The following MYOM1 variants were observed in gnomAD, a reference collection of about 807,000 sequenced individuals.
The protein encoded by MYOM1 is myomesin-1.
A neutral mutation model predicts 205.3 loss-of-function variants in MYOM1; 164 were observed. The observed-to-expected ratio is 0.80, with a 90% CI of 0.70 to 0.91. The LOEUF is 0.91. MYOM1 is among the 40% of genes least tolerant of loss of function. The pLI is 0.00. For synonymous variants in MYOM1, 772 were observed against 789.4 expected (o/e 0.98, Z 0.37); for missense variants, 2,011 against 2,127.3 (o/e 0.95, Z 1.08).
chr18:3,127,042 T>C, intron 18 of MYOM1, 145 bp from the exon 19 acceptor site: 2 of 667,312 alleles, frequency 3.0e-6, no homozygotes, highest in Non-Finnish European at 2.5e-6. Context: ...GCATTGAACT[T>C]GGTGAATGCA....
chr18:3,165,106 G>C (rs1250929762), intron 9 of MYOM1, among the ~76,000 whole-genome samples: 1 of 152,128 alleles, frequency 6.6e-6, no homozygotes, highest in Non-Finnish European at 1.5e-5. Context: ...TTAACTTTCT[G>C]AGAAACTATT....
At chr18:3,225,276 C>T in the MYOM1 span, among the ~76,000 whole-genome samples, 2 of 152,222 alleles carry the variant, frequency 1.3e-5, no homozygotes, top group Non-Finnish European at 2.9e-5. Context: ...CGTGAGCCAC[C>T]GTGCCAGGCC....
chr18:3,176,712 C>G (rs1392917963), intron 5 of MYOM1, among the ~76,000 whole-genome samples: 1 of 151,614 alleles, frequency 6.6e-6, no homozygotes, highest in Non-Finnish European at 1.5e-5. Flanking sequence ...GAAATACCAT[C>G]TCTACTAGTA....
At chr18:3,068,436 T>C (rs1177661078) in intron 37 of MYOM1, among the ~76,000 whole-genome samples, 1 of 152,062 alleles carries the variant, frequency 6.6e-6, no homozygotes, top group African/African-American at 2.4e-5. Flanking sequence ...TGGTGCTTAT[T>C]TGTGTTTGTG....
chr18:3,242,634 G>T, the MYOM1 span, among the ~76,000 whole-genome samples: 1 of 151,990 alleles, frequency 6.6e-6, no homozygotes, highest in South Asian at 2.1e-4. Context: ...TCAGCCTCCC[G>T]AGTAGCTGGA....
chr18:3,094,378 T>TAA lies in MYOM1; in HGVS notation c.3728-73_3728-72insTT. ...ATATTGGTACTCATTTTCCATCAAG[T>TAA]GAAAAAAAAAAAAAAACCACACAAT... On this transcript the variant is annotated intron_variant, in intron 25 of 37. Coordinates refer to ENST00000356443, the MANE Select transcript of MYOM1 (RefSeq NM_003803.4). 6 of 1,001,544 alleles carry TAA rather than the reference T, an allele frequency of 6.0e-6. No individual in the cohort carries two copies. The South Asian group carries it at 9.5e-5, about 16-fold the overall frequency. The allele number at this position is 1,001,544 out of a possible 1,614,324, so 62.0% of individuals were successfully genotyped here. A position where few individuals can be genotyped will look rare whatever the true frequency, so the allele number is the denominator to read the frequency against.
the MYOM1 span, among the ~76,000 whole-genome samples, chr18:3,226,300 C>CAGAGCTCACT: frequency 6.6e-6 from 1 of 152,210 alleles, no homozygotes; most frequent in Non-Finnish European, 1.5e-5. This position sits in a 1 kb window ranked among gnomAD's most constrained non-coding sequence, Gnocchi z 4.6. Flanking sequence ...TGCATTCAGA[C>CAGAGCTCACT]AGAGCTCACT....
chr18:3,214,927 G>C lies in MYOM1; in HGVS notation c.290+7C>G. On this transcript the variant is annotated splice_region_variant and intron_variant, in intron 2 of 37. Transcript: ENST00000356443. Reference sequence around the variant, plus strand: ...GTTGGAAGGTTGGAGGAGGGCGTCCGACATACCCATGGGAGGAGCCATAAT... The same window carrying C: ...GTTGGAAGGTTGGAGGAGGGCGTCCCACATACCCATGGGAGGAGCCATAAT... 1.3e-6 allele frequency: 2 copies of C among 1,579,264 alleles called. No homozygotes were observed. The highest frequency in any genetic ancestry group is 1.7e-6 in the Non-Finnish European group (2 of 1,159,990).
chr18:3,110,350 G>T lies in MYOM1; in HGVS notation c.3418+1948C>A, dbSNP rs181027881. Among the ~76,000 whole-genome samples, 562 of 152,222 alleles carry T rather than the reference G, an allele frequency of 3.7e-3. 5 individuals carry two copies. Among genetic ancestry groups the T allele is most frequent in the African/African-American group, 0.012 (514 of 41,534 alleles). ...TGAGCTGCCCTGGGTTTCAGACGAG[G>T]ACTGGCGGCTGACCATTCAGCCTCA... On this transcript the variant is annotated intron_variant, in intron 22 of 37. Transcript: ENST00000356443.
Position 3,164,433 on chromosome 18 carries a change from G to C in MYOM1, c.1346C>G (p.Pro449Arg). 5.7e-6 allele frequency: 9 copies of C among 1,591,778 alleles called. No homozygotes were observed. The highest frequency in any genetic ancestry group is 1.7e-4 in the Middle Eastern group (1 of 6,028). The change falls in exon 10 of 38, where the codon CCT becomes CGT. Residue 449 changes from proline (P) to arginine (R), a missense_variant. Transcript: ENST00000356443. ...TTGCACCCATTTTGATGGAGAAAGAGGTACTCCTAGAAATATTTTAAAAGT... is the reference window on the plus strand; with the variant it reads ...TTGCACCCATTTTGATGGAGAAAGACGTACTCCTAGAAATATTTTAAAAGT... ...PEIQWYRNGVPLSPSKWVQTL... is the reference protein window; with the variant it reads ...PEIQWYRNGVRLSPSKWVQTL...
chr18:3,069,746 C>G (rs1223692567), intron 37 of MYOM1, among the ~76,000 whole-genome samples: 2 of 152,162 alleles, frequency 1.3e-5, no homozygotes, highest in Non-Finnish European at 2.9e-5. Flanking sequence ...ACAAAACTCC[C>G]AAACACCTTA....
chr18:3,130,630 G>A (rs2079862143), intron 17 of MYOM1, among the ~76,000 whole-genome samples: 1 of 151,574 alleles, frequency 6.6e-6, no homozygotes, highest in African/African-American at 2.4e-5. Context: ...TTTTTTTATT[G>A]TTATTTTTAG....
intron 37 of MYOM1, among the ~76,000 whole-genome samples, chr18:3,068,930 A>T (rs1402477030): frequency 6.6e-6 from 1 of 151,570 alleles, no homozygotes; most frequent in African/African-American, 2.4e-5. Context: ...TTTTTTCTTT[A>T]TTTTTTTTAA....
intron 13 of MYOM1, among the ~76,000 whole-genome samples, chr18:3,147,082 ATAT>A (rs1465818063): frequency 1.3e-3 from 145 of 109,654 alleles, no homozygotes; most frequent in African/African-American, 3.6e-3. Flanking sequence ...TTATATATAA[ATAT>A]TATACATTAT....
In MYOM1 at chr18:3,084,000, C is replaced by T; in HGVS notation, c.4367G>A (p.Cys1456Tyr). The change falls in exon 32 of 38, where the codon TGC (cysteine) becomes TAC (tyrosine). Residue 1456 changes from cysteine to tyrosine, a missense_variant. By Grantham distance (194) the Cys-to-Tyr change is radical. Coordinates refer to ENST00000356443, the MANE Select transcript of MYOM1 (RefSeq NM_003803.4). Reference sequence around the variant, plus strand: ...AATGTTTGACTCACCTATTTTTTTGCATACTTCCATCATCAGTTCCTTAAA... The same window carrying T: ...AATGTTTGACTCACCTATTTTTTTGTATACTTCCATCATCAGTTCCTTAAA... Reference protein sequence around the residue: ...EAFKELMMEVCKKIALSATDL... With the variant: ...EAFKELMMEVYKKIALSATDL... 6.3e-7 allele frequency: 1 copy of T among 1,587,038 alleles called. No homozygotes were observed. The highest frequency in any genetic ancestry group is 8.6e-7 in the Non-Finnish European group (1 of 1,165,160).
In MYOM1 at chr18:3,135,360, A is replaced by G; in HGVS notation, c.2209+187T>C. ...ATTATCAATATTGTTGAAACTCCCA[A>G]AGAAGTTTACTTTTCATAAACAAAA... On this transcript the variant is annotated intron_variant, in intron 15 of 37. Transcript: ENST00000356443. This position sits in a 1 kb window ranked among gnomAD's most constrained non-coding sequence, Gnocchi z 4.1. The G allele has an allele frequency of 1.9e-6, 1 of 527,536 alleles. No homozygotes were observed. Among genetic ancestry groups the G allele is most frequent in the East Asian group, 3.1e-5 (1 of 32,606 alleles). 32.7% of individuals were successfully genotyped at this position (527,536 alleles called of 1,614,324 possible).
At chr18:3,198,534 T>C (rs1427985442) in intron 2 of MYOM1, among the ~76,000 whole-genome samples, 2 of 152,080 alleles carry the variant, frequency 1.3e-5, no homozygotes, top group African/African-American at 2.4e-5. Context: ...ACCTGTAATC[T>C]CAGCACTTTG....
intron 8 of MYOM1, among the ~76,000 whole-genome samples, chr18:3,173,056 T>C (rs906760491): frequency 2.0e-5 from 3 of 152,214 alleles, no homozygotes; most frequent in African/African-American, 7.2e-5. Context: ...AATTTTTTAA[T>C]GTTTGAAAAC....
At chr18:3,156,319 T>G (rs1027659423) in intron 10 of MYOM1, among the ~76,000 whole-genome samples, 1 of 152,168 alleles carries the variant, frequency 6.6e-6, no homozygotes, top group East Asian at 1.9e-4. Context: ...TTCCCTATGA[T>G]CTACATTCTG....
Sources: gnomAD v4.1 joint callset for allele counts (sites outside exome capture counted in the v4.1 genomes callset) on GRCh38, gnomAD v4.1.1 for gene constraint, Gnocchi (gnomAD v3.1) non-coding constraint, MANE v1.5 for transcripts, NCBI Gene and HGNC (gene_info 2026-07-23, HGNC 2026-07-21) for gene names.